Variants in DLG1 observed in about 807,000 individuals in gnomAD.
DLG1 encodes discs large MAGUK scaffold protein 1, also known as disks large homolog 1.
Under a neutral mutation model 123.4 loss-of-function variants are expected in DLG1, and 42 were observed. The ratio of observed to expected loss-of-function variants is 0.34; its 90% CI spans 0.27 to 0.44. The LOEUF (loss-of-function observed/expected upper bound fraction) is 0.44, where lower values mean the gene tolerates loss of function less well. DLG1 is among the 20% of genes least tolerant of loss of function. DLG1 has a pLI of 1.00. For missense variants in DLG1, 942 were observed against 1,082.6 expected (o/e 0.87, Z 1.82); for synonymous variants, 317 against 356.2 (o/e 0.89, Z 1.24).
intron 14 of DLG1, among the ~76,000 whole-genome samples, chr3:197,095,625 T>C (rs1023263143): frequency 3.3e-4 from 51 of 152,360 alleles, no homozygotes; most frequent in African/African-American, 1.1e-3. Context: ...ACCAATGTTA[T>C]TAACTTTAAT....
At position 197,273,240 on chromosome 3, in the gene DLG1, CTTTATTTTTATT is replaced by C. The variant is rs563442193; in HGVS notation, c.318+9427_318+9438del. On this transcript the variant is annotated intron_variant, in intron 4 of 24. Coordinates refer to ENST00000667157, the MANE Select transcript of DLG1 (RefSeq NM_001366207.1). ...TGTGTGTATATATATATATTTTTTT[CTTTATTTTTATT>C]TTTATTTTTTTTTGAGACAGTGTCT... Among the ~76,000 whole-genome samples the C allele has an allele frequency of 4.2e-3, 585 of 137,956 alleles. 5 individuals are homozygous for C. The highest frequency in any genetic ancestry group is 0.016 in the African/African-American group (545 of 34,604). 90.5% of individuals were successfully genotyped at this position (137,956 alleles called of 152,430 possible). A position where few individuals can be genotyped will look rare whatever the true frequency, so the allele number is the denominator to read the frequency against.
chr3:197,143,532 A>G (rs1789139838), intron 6 of DLG1, among the ~76,000 whole-genome samples: 1 of 152,190 alleles, frequency 6.6e-6, no homozygotes. Context: ...CTGGGATTAC[A>G]GGCGTGAGCC....
intron 7 of DLG1, among the ~76,000 whole-genome samples, chr3:197,141,403 A>G (rs144364746): frequency 3.3e-4 from 50 of 152,326 alleles, no homozygotes; most frequent in African/African-American, 1.0e-3. Flanking sequence ...AGACATCACA[A>G]ACTACTATAT....
At chr3:197,236,004 T>C (rs903360221) in intron 4 of DLG1, among the ~76,000 whole-genome samples, 10 of 152,078 alleles carry the variant, frequency 6.6e-5, no homozygotes, top group African/African-American at 2.2e-4. Flanking sequence ...ATTTTTTTCA[T>C]CAAAACTATC....
chr3:197,123,579 ATACT>A (rs1777516814), intron 11 of DLG1, among the ~76,000 whole-genome samples: 1 of 152,246 alleles, frequency 6.6e-6, no homozygotes, highest in African/African-American at 2.4e-5. Context: ...ATACATATAC[ATACT>A]ATTCATAATT....
intron 3 of DLG1, among the ~76,000 whole-genome samples, chr3:197,288,208 G>T (rs1392346281): frequency 2.0e-5 from 3 of 151,144 alleles, no homozygotes; most frequent in African/African-American, 4.9e-5. Flanking sequence ...TACTAAAAAT[G>T]CAAAAACTAG....
chr3:197,237,463 C>A (rs1483849780), intron 4 of DLG1, among the ~76,000 whole-genome samples: 1 of 152,176 alleles, frequency 6.6e-6, no homozygotes, highest in Non-Finnish European at 1.5e-5. Flanking sequence ...GGCAGCCTAG[C>A]AAGATACAAC....
Position 197,210,352 on chromosome 3 carries a change from C to T in DLG1, c.319-15763G>A, listed in dbSNP as rs1730706998. Among the ~76,000 whole-genome samples, 2 of 143,030 alleles carry T rather than the reference C, an allele frequency of 1.4e-5. 1 individual carries two copies. Among genetic ancestry groups the T allele is most frequent in the Non-Finnish European group, 3.1e-5 (2 of 64,032 alleles). 93.8% of individuals were successfully genotyped at this position (143,030 alleles called of 152,430 possible). ...GAAAACAAAGAATTGAGTATATTAA[C>T]AAAGCCAAATAATCATAAAAACAGA... is the stretch of plus-strand genomic sequence containing the variant. On this transcript the variant is annotated intron_variant, in intron 4 of 24. Transcript: ENST00000667157.
chr3:197,197,627 C>T (rs1324527739), intron 4 of DLG1, among the ~76,000 whole-genome samples: 1 of 152,184 alleles, frequency 6.6e-6, no homozygotes, highest in Non-Finnish European at 1.5e-5. Context: ...CACTTTTCCC[C>T]CACAGAAACT....
chr3:197,070,119 A>C (rs932389783), intron 18 of DLG1: 3 of 152,190 alleles, frequency 2.0e-5, no homozygotes, highest in Non-Finnish European at 4.4e-5. Flanking sequence ...TGTAAATGTC[A>C]TCTCAAGTTT....
chr3:197,220,304 GTT>G lies in DLG1; in HGVS notation c.319-25717_319-25716del, dbSNP rs145744557. Among the ~76,000 whole-genome samples, 747 of 152,046 alleles carry G rather than the reference GTT, an allele frequency of 4.9e-3. 7 individuals carry two copies. The highest frequency in any genetic ancestry group is 0.017 in the African/African-American group (715 of 41,426). On this transcript the variant is annotated intron_variant, in intron 4 of 24. Coordinates refer to ENST00000667157, the MANE Select transcript of DLG1 (RefSeq NM_001366207.1). ...TATATATTTAAACCAAGTGGTATTT[GTT>G]TTAAAATAAAATGTTCTTTTAAAAC...
chr3:197,171,701 G>A (rs955203722), intron 5 of DLG1, among the ~76,000 whole-genome samples: 1 of 152,134 alleles, frequency 6.6e-6, no homozygotes. Context: ...TCAGCATTCA[G>A]ATGACAATCT....
intron 18 of DLG1, chr3:197,076,014 A>AT: frequency 1.9e-6 from 1 of 536,834 alleles, no homozygotes; most frequent in Non-Finnish European, 3.1e-6. Flanking sequence ...ATTTTTACAT[A>AT]TTTCTAGAAC....
At chr3:197,068,507 G>A (rs192062281) in intron 19 of DLG1, 10 of 1,580,140 alleles carry the variant, frequency 6.3e-6, no homozygotes, top group African/African-American at 4.0e-5. Flanking sequence ...TGGACCTTTT[G>A]AGCAGCCATA....
At chr3:197,298,018 G>A (rs1778368950) in intron 1 of DLG1, 2 of 781,686 alleles carry the variant, frequency 2.6e-6, no homozygotes, top group South Asian at 1.2e-4. Context: ...GCTCGCCGCG[G>A]CCCCCCGGCC....
chr3:197,278,339 G>A (rs2923678), intron 4 of DLG1, among the ~76,000 whole-genome samples: 81,168 of 143,354 alleles, frequency 0.57, 23,469 homozygotes, highest in East Asian at 0.79. Flanking sequence ...GTGTGGTGGT[G>A]CACACATGTA....
chr3:197,066,863 A>C (rs1039327223), intron 19 of DLG1, 109 bp from the exon 20 acceptor site: 1 of 639,842 alleles, frequency 1.6e-6, no homozygotes, highest in Non-Finnish European at 2.7e-6. Context: ...GAAAATGGCA[A>C]AGATATGGAA....
intron 4 of DLG1, among the ~76,000 whole-genome samples, chr3:197,254,378 T>C (rs1006853052): frequency 3.9e-5 from 6 of 152,182 alleles, no homozygotes; most frequent in African/African-American, 1.4e-4. Context: ...CAGGTGAAAG[T>C]AACTAAAGCA....
rs905646382 is a variant in DLG1 at position 197,183,581 on chromosome 3, G to A, written c.483+10844C>T. ...TCAACAAGTGGTATGTTACCTGGGT[G>A]GAGCTGGTGGCTACCGAGATGCAGT... On this transcript the variant is annotated intron_variant, in intron 5 of 24. Coordinates refer to ENST00000667157, the MANE Select transcript of DLG1 (RefSeq NM_001366207.1). 2.6e-6 allele frequency: 4 copies of A among 1,550,170 alleles called. No individual in the cohort carries two copies. The African/African-American group carries it at 5.5e-5, about 21-fold the overall frequency.
Sources: allele counts gnomAD v4.1 joint callset (sites outside exome capture counted in the v4.1 genomes callset), GRCh38; gene constraint gnomAD v4.1.1; transcripts MANE v1.5; gene names NCBI Gene and HGNC (gene_info 2026-07-23, HGNC 2026-07-21).